TAFA1: variants seen among roughly 807,000 people sequenced by gnomAD.
TAFA1 encodes chemokine-like protein TAFA-1.
TAFA1 carries 4 observed loss-of-function variants against 18.5 expected under a neutral mutation model. The observed-to-expected ratio is 0.22, with a 90% CI of 0.11 to 0.49. The LOEUF (loss-of-function observed/expected upper bound fraction) is 0.49, where lower values mean the gene tolerates loss of function less well. TAFA1 is among the 20% of genes least tolerant of loss of function. TAFA1 has a pLI of 0.98. For missense variants in TAFA1, 147 were observed against 169.0 expected (o/e 0.87, Z 0.72); for synonymous variants, 56 against 55.2 (o/e 1.01, Z -0.06).
intron 2 of TAFA1, among the ~76,000 whole-genome samples, chr3:68,128,407 T>C (rs1217597691): frequency 6.6e-6 from 1 of 152,174 alleles, no homozygotes; most frequent in Non-Finnish European, 1.5e-5. Context: ...ACAACTTTAT[T>C]AGCCAGGCAA....
intron 2 of TAFA1, among the ~76,000 whole-genome samples, chr3:68,126,174 C>G (rs1167384979): frequency 1.3e-5 from 2 of 152,166 alleles, no homozygotes; most frequent in African/African-American, 4.8e-5. Context: ...CTGATCAAAC[C>G]GATGTCTTTG....
At chr3:68,185,652 G>A (rs1326531730) in intron 2 of TAFA1, among the ~76,000 whole-genome samples, 1 of 152,056 alleles carries the variant, frequency 6.6e-6, no homozygotes, top group African/African-American at 2.4e-5. Flanking sequence ...GCTCACACCT[G>A]TAATCCCAGC....
At chr3:68,027,393 C>A (rs550469915) in intron 2 of TAFA1, among the ~76,000 whole-genome samples, 15 of 152,238 alleles carry the variant, frequency 9.9e-5, no homozygotes, top group African/African-American at 3.6e-4. Context: ...CAGTGAAGAG[C>A]CATTTAGTTG....
intron 2 of TAFA1, among the ~76,000 whole-genome samples, chr3:68,357,660 G>A (rs2069390841): frequency 6.6e-6 from 1 of 151,794 alleles, no homozygotes; most frequent in South Asian, 2.1e-4. Flanking sequence ...CTAGACACAG[G>A]GGGAGAAAAT....
At chr3:68,217,827 C>T (rs1372091789) in intron 2 of TAFA1, among the ~76,000 whole-genome samples, 3 of 151,960 alleles carry the variant, frequency 2.0e-5, no homozygotes, top group Admixed American at 6.6e-5. Flanking sequence ...TCTGAGATAG[C>T]ACACTTACTA....
chr3:68,372,045 C>A (rs2069716869), intron 2 of TAFA1, among the ~76,000 whole-genome samples: 1 of 152,130 alleles, frequency 6.6e-6, no homozygotes, highest in Non-Finnish European at 1.5e-5. Context: ...ACTTTGTAGG[C>A]AGTTTGAGAT....
intron 2 of TAFA1, among the ~76,000 whole-genome samples, chr3:68,186,507 T>A (rs1296518726): frequency 1.3e-5 from 2 of 152,100 alleles, no homozygotes; most frequent in Non-Finnish European, 2.9e-5. Context: ...AAGTTAGACT[T>A]TTGTTTTTTT....
rs1304832515 is a variant in TAFA1, at chr3:68,428,501, TG to T, written c.259+11084del. 2.6e-5 allele frequency among the ~76,000 whole-genome samples: 4 copies of T among 151,834 alleles called. No homozygotes were observed. In the East Asian group the frequency reaches 5.8e-4, roughly 22 times the overall value. ...CCCCCAGGAAACGAGAGGAGAAACC[TG>T]GGTTCCTAGATGGGTGGAGTAGTCA... On this transcript the variant is annotated intron_variant, in intron 3 of 4. Transcript: ENST00000478136.
chr3:68,291,306 G>A (rs919905866), intron 2 of TAFA1, among the ~76,000 whole-genome samples: 2 of 152,116 alleles, frequency 1.3e-5, no homozygotes, highest in Non-Finnish European at 2.9e-5. Flanking sequence ...GTGCAACTGT[G>A]AACAATTGAT....
chr3:68,487,885 G>A (rs1004816749), intron 3 of TAFA1, among the ~76,000 whole-genome samples: 2 of 149,688 alleles, frequency 1.3e-5, no homozygotes, highest in Non-Finnish European at 1.5e-5. Context: ...AGATGTTTTT[G>A]CTTGTTCTTT....
intron 2 of TAFA1, among the ~76,000 whole-genome samples, chr3:68,294,598 T>C (rs1201952720): frequency 2.0e-5 from 3 of 152,166 alleles, no homozygotes; most frequent in African/African-American, 7.2e-5. Flanking sequence ...AAAATTCAGC[T>C]CCTGGGCCAG....
intron 3 of TAFA1, among the ~76,000 whole-genome samples, chr3:68,535,989 AG>A (rs1271704961): frequency 7.2e-5 from 11 of 152,320 alleles, no homozygotes; most frequent in African/African-American, 2.6e-4. Context: ...GGCAATTGCA[AG>A]CCATCTCCTT....
At chr3:68,302,764 C>T (rs2068329054) in intron 2 of TAFA1, among the ~76,000 whole-genome samples, 1 of 152,148 alleles carries the variant, frequency 6.6e-6, no homozygotes, top group Non-Finnish European at 1.5e-5. Flanking sequence ...TGCTCATCCC[C>T]ACTTGGACAT....
At chr3:68,389,783 G>A (rs1228870300) in intron 2 of TAFA1, among the ~76,000 whole-genome samples, 5 of 152,074 alleles carry the variant, frequency 3.3e-5, no homozygotes, top group South Asian at 2.1e-4. Flanking sequence ...TCCCCTAGCC[G>A]AGGGAAGCAA....
rs57372768 is a variant in TAFA1, at chr3:68,521,856, G to GTTTTTTTTTTTTTTT, written c.260-16894_260-16880dup. ...TCTGGGTTTTTCTGTGTTTTTTTCT[G>GTTTTTTTTTTTTTTT]TTTTTTTTTTTTTTTTTTTTGGAGA... is the stretch of plus-strand genomic sequence containing the variant. On this transcript the variant is annotated intron_variant, in intron 3 of 4. Coordinates refer to ENST00000478136, the MANE Select transcript of TAFA1 (RefSeq NM_213609.4). Among the ~76,000 whole-genome samples the GTTTTTTTTTTTTTTT allele has an allele frequency of 8.8e-4, 62 of 70,854 alleles. 5 individuals carry two copies. Among genetic ancestry groups the GTTTTTTTTTTTTTTT allele is most frequent in the Admixed American group, 1.2e-3 (5 of 4,066 alleles). The allele number at this position is 70,854 out of a possible 152,430, so 46.5% of individuals were successfully genotyped here.
intron 2 of TAFA1, among the ~76,000 whole-genome samples, chr3:68,311,183 A>G (rs2068509415): frequency 6.6e-6 from 1 of 152,170 alleles, no homozygotes; most frequent in African/African-American, 2.4e-5. Flanking sequence ...CCCCACTGCC[A>G]TGATTCAATC....
intron 2 of TAFA1, among the ~76,000 whole-genome samples, chr3:68,205,973 C>A (rs1488899197): frequency 6.6e-6 from 1 of 151,886 alleles, no homozygotes; most frequent in Non-Finnish European, 1.5e-5. Context: ...GTCACCATGA[C>A]ATAGTCACCC....
At chr3:68,538,605 T>A in intron 3 of TAFA1, 151 bp from the exon 4 acceptor site, 1 of 642,944 alleles carries the variant, frequency 1.6e-6, no homozygotes, top group Non-Finnish European at 2.6e-6. Flanking sequence ...TAAAATCTTA[T>A]TTTTTTAATA....
At chr3:68,426,236 CAAAG>C (rs1405017804) in intron 3 of TAFA1, among the ~76,000 whole-genome samples, 4 of 151,798 alleles carry the variant, frequency 2.6e-5, no homozygotes, top group Non-Finnish European at 5.9e-5. Flanking sequence ...ATAAACCTAA[CAAAG>C]AAAGGATAAA....
Sources: gnomAD v4.1 joint callset for allele counts (sites outside exome capture counted in the v4.1 genomes callset) on GRCh38, gnomAD v4.1.1 for gene constraint, MANE v1.5 for transcripts, NCBI Gene and HGNC (gene_info 2026-07-23, HGNC 2026-07-21) for gene names.